GPAT3: variants seen among roughly 807,000 people sequenced by gnomAD.
The protein encoded by GPAT3 is glycerol-3-phosphate acyltransferase 3.
In GPAT3, 53 loss-of-function variants were observed where a neutral mutation model predicts 58.8. The ratio of observed to expected loss-of-function variants is 0.90; its 90% confidence interval spans 0.72 to 1.13. The LOEUF (loss-of-function observed/expected upper bound fraction) is 1.13, where lower values mean the gene tolerates loss of function less well. Ranked by LOEUF, GPAT3 falls within the 50% of genes most tolerant of loss-of-function variation. The pLI is 0.00. For synonymous variants in GPAT3, 197 were observed against 187.4 expected, an observed-to-expected ratio of 1.05 and a Z score of -0.42; for missense variants, 511 against 527.6, an observed-to-expected ratio of 0.97 and a Z score of 0.31.
At chr4:83,585,183 C>G (rs1726332362) in intron 3 of GPAT3, among the ~76,000 whole-genome samples, 1 of 151,934 alleles carries the variant, frequency 6.6e-6, no homozygotes, top group African/African-American at 2.4e-5. Context: ...ATTGCTATGT[C>G]AAGTCTTTAA....
intron 2 of GPAT3, among the ~76,000 whole-genome samples, chr4:83,549,711 T>TTTATTA (rs529043483): frequency 0.28 from 40,409 of 142,424 alleles, 5,973 homozygotes; most frequent in Middle Eastern, 0.35. Flanking sequence ...TTTGTATATA[T>TTTATTA]TTATTATTAT....
intron 2 of GPAT3, among the ~76,000 whole-genome samples, chr4:83,548,448 T>C (rs142647066): frequency 1.7e-4 from 26 of 152,330 alleles, no homozygotes; most frequent in Admixed American, 1.0e-3. Flanking sequence ...TTAATATTAG[T>C]AATTATGTAA....
chr4:83,546,029 G>A (rs1724491461), intron 2 of GPAT3, among the ~76,000 whole-genome samples: 1 of 152,060 alleles, frequency 6.6e-6, no homozygotes, highest in Non-Finnish European at 1.5e-5. Flanking sequence ...CTGTCCCCCA[G>A]GCTGGAGTGC....
chr4:83,555,381 ATTAAATCGATCAT>A (rs1393098455), intron 2 of GPAT3, among the ~76,000 whole-genome samples: 1 of 146,632 alleles, frequency 6.8e-6, no homozygotes, highest in Non-Finnish European at 1.5e-5. Flanking sequence ...AAGGGCAATG[ATTAAATCGATCAT>A]TTAATCATTT....
In GPAT3 at chr4:83,536,529, G is replaced by C; in HGVS notation, c.-94G>C. Reference sequence around the variant, plus strand: ...AGGTGAGTGCCGGGCTCGGCGCTCTGCTCCTGGAGCTCCCGCGGGACTGCC... The same window carrying C: ...AGGTGAGTGCCGGGCTCGGCGCTCTCCTCCTGGAGCTCCCGCGGGACTGCC... On this transcript the variant is annotated 5_prime_UTR_variant, in exon 1 of 12. Transcript: ENST00000264409. 6.6e-7 allele frequency: 1 copy of C among 1,525,158 alleles called. No individual in the cohort carries two copies. The highest frequency in any genetic ancestry group is 8.8e-7 in the Non-Finnish European group (1 of 1,137,868). 94.5% of individuals were successfully genotyped at this position (1,525,158 alleles called of 1,614,324 possible).
chr4:83,560,980 C>T (rs1017391275), intron 2 of GPAT3, among the ~76,000 whole-genome samples: 2 of 152,176 alleles, frequency 1.3e-5, no homozygotes, highest in African/African-American at 4.8e-5. Context: ...ACAATTAAAC[C>T]TCTTTTCTTA....
chr4:83,566,972 T>C (rs1274130052), intron 2 of GPAT3, among the ~76,000 whole-genome samples: 2 of 152,206 alleles, frequency 1.3e-5, no homozygotes, highest in Non-Finnish European at 2.9e-5. Context: ...TAGGAAAATT[T>C]TCTACTTTAG....
intron 1 of GPAT3, among the ~76,000 whole-genome samples, chr4:83,541,049 A>G (rs961237206): frequency 1.3e-5 from 2 of 152,132 alleles, no homozygotes; most frequent in African/African-American, 4.8e-5. Flanking sequence ...CTCTTGTCTG[A>G]TGTCTGAGAT....
chr4:83,597,312 C>T (rs577114344), intron 8 of GPAT3, 118 bp from the exon 9 acceptor site: 15 of 559,376 alleles, frequency 2.7e-5, no homozygotes, highest in South Asian at 2.4e-4. Flanking sequence ...TATGGTAGTA[C>T]GATGCCTGTA....
chr4:83,581,868 G>C (rs201897122), intron 3 of GPAT3, 36 bp downstream of exon 3: 1 of 1,571,996 alleles, frequency 6.4e-7, no homozygotes, highest in East Asian at 2.3e-5. Context: ...TGATACGCTT[G>C]ACTCAGCTTT....
chr4:83,600,369 A>G (rs1035730014), intron 11 of GPAT3, among the ~76,000 whole-genome samples: 1 of 151,890 alleles, frequency 6.6e-6, no homozygotes, highest in South Asian at 2.1e-4. Context: ...AACCCTAATT[A>G]CCTCCCAAAG....
At chr4:83,544,383 A>C (rs1196548110) in intron 1 of GPAT3, among the ~76,000 whole-genome samples, 153 bp from the exon 2 acceptor site, 1 of 152,206 alleles carries the variant, frequency 6.6e-6, no homozygotes, top group Non-Finnish European at 1.5e-5. Flanking sequence ...GGGACTTGGA[A>C]TATTGCTATA....
At chr4:83,579,058 CTTTCTTTCTTTCTTTCTTT>C (rs1725980620) in intron 2 of GPAT3, among the ~76,000 whole-genome samples, 1 of 38,792 alleles carries the variant, frequency 2.6e-5, no homozygotes, top group African/African-American at 1.0e-4. Context: ...TTCTTTCTTT[CTTTCTTTCTTTCTTTCTTT>C]CTTCCCTTCC....
In GPAT3 at chr4:83,558,799, G is replaced by A. The variant is rs970943412; in HGVS notation, c.208+14197G>A. ...CCCAGGTTAACTGTTCATATTAAGG[G>A]TGGCAAAGAGGAAATTCTGAAGCCT... On this transcript the variant is annotated intron_variant, in intron 2 of 11. Coordinates refer to ENST00000264409, the MANE Select transcript of GPAT3 (RefSeq NM_032717.5). Among the ~76,000 whole-genome samples the A allele has an allele frequency of 2.0e-5, 3 of 152,186 alleles. No individual in the cohort carries two copies. The East Asian group carries it at 5.8e-4, about 29-fold the overall frequency.
At chr4:83,562,211 T>TTATATATATATATAATATATATATAA (rs1560611071) in intron 2 of GPAT3, among the ~76,000 whole-genome samples, 217 of 72,946 alleles carry the variant, frequency 3.0e-3, no homozygotes, top group Non-Finnish European at 4.0e-3. Flanking sequence ...TATATATATA[T>TTATATATATATATAATATATATATAA]TATATATATA....
intron 2 of GPAT3, among the ~76,000 whole-genome samples, chr4:83,578,922 T>TTC (rs1553946733): frequency 7.2e-5 from 3 of 41,884 alleles, no homozygotes; most frequent in South Asian, 9.1e-4. Flanking sequence ...TCTTTTTTCT[T>TTC]TTCTTTCTTT....
intron 8 of GPAT3, 80 bp from the exon 9 acceptor site, chr4:83,597,350 C>A (rs1226189156): frequency 4.0e-6 from 3 of 753,966 alleles, no homozygotes; most frequent in African/African-American, 1.8e-5. Flanking sequence ...TATTTTATAT[C>A]AAAATAATTT....
chr4:83,598,750 A>ATTTT (rs1174586073), intron 11 of GPAT3, 27 bp downstream of exon 11: 2 of 256,752 alleles, frequency 7.8e-6, no homozygotes, highest in Admixed American at 9.8e-5. Flanking sequence ...AAGTACTATC[A>ATTTT]CTTTTTTTTT....
intron 3 of GPAT3, among the ~76,000 whole-genome samples, chr4:83,584,083 G>T (rs1419182770): frequency 6.6e-6 from 1 of 152,186 alleles, no homozygotes; most frequent in Non-Finnish European, 1.5e-5. Context: ...GAATTCTACA[G>T]CACAGTGCTT....
Sources: allele counts gnomAD v4.1 joint callset (sites outside exome capture counted in the v4.1 genomes callset), GRCh38; gene constraint gnomAD v4.1.1; transcripts MANE v1.5; gene names NCBI Gene and HGNC (gene_info 2026-07-23, HGNC 2026-07-21).